Variants in B3GALT1 observed in about 807,000 individuals in gnomAD.
B3GALT1 encodes UDP-Gal:betaGlcNAc beta 1,3-galactosyltransferase, polypeptide 1.
Under a neutral mutation model 23.2 loss-of-function variants are expected in B3GALT1, and 10 were observed. The ratio of observed to expected loss-of-function variants is 0.43; its 90% confidence interval spans 0.27 to 0.73. The LOEUF is 0.73. Ranked by LOEUF, B3GALT1 falls within the 30% of genes least tolerant of loss-of-function variation. The pLI is 0.21. For synonymous variants in B3GALT1, 156 were observed against 141.5 expected, an observed-to-expected ratio of 1.10 and a Z score of -0.73; for missense variants, 299 against 405.4, an observed-to-expected ratio of 0.74 and a Z score of 2.25.
intron 3 of B3GALT1, among the ~76,000 whole-genome samples, chr2:167,731,950 A>T (rs1377198268): frequency 6.6e-6 from 1 of 152,002 alleles, no homozygotes; most frequent in Non-Finnish European, 1.5e-5. Context: ...ACAGACTTTC[A>T]CTTTGCTTTT....
intron 1 of B3GALT1, among the ~76,000 whole-genome samples, chr2:167,378,862 C>G (rs866003450): frequency 6.6e-6 from 1 of 152,122 alleles, no homozygotes; most frequent in Non-Finnish European, 1.5e-5. Context: ...AGAGCTAGTG[C>G]GATCCCTTGG....
At chr2:167,318,935 C>T (rs1437947620) in intron 1 of B3GALT1, among the ~76,000 whole-genome samples, 3 of 152,236 alleles carry the variant, frequency 2.0e-5, no homozygotes, top group African/African-American at 7.2e-5. Context: ...CTGCAGGGGC[C>T]CATTCCCTGA....
chr2:167,294,645 C>CGAGA (rs1327645091), intron 1 of B3GALT1, among the ~76,000 whole-genome samples: 1 of 152,204 alleles, frequency 6.6e-6, no homozygotes, highest in East Asian at 1.9e-4. Context: ...AGGAGCTCTC[C>CGAGA]CCACTGTCTC....
chr2:167,698,536 C>T (rs1176639457), intron 3 of B3GALT1, among the ~76,000 whole-genome samples: 3 of 152,088 alleles, frequency 2.0e-5, no homozygotes, highest in South Asian at 2.1e-4. Context: ...GGAACCAAGC[C>T]GGAGAGGTCA....
intron 2 of B3GALT1, among the ~76,000 whole-genome samples, chr2:167,639,151 T>C (rs1574183880): frequency 6.6e-6 from 1 of 152,040 alleles, no homozygotes; most frequent in African/African-American, 2.4e-5. Context: ...TTCTGGAACA[T>C]ACATTGTCTC....
intron 4 of B3GALT1, among the ~76,000 whole-genome samples, chr2:167,830,201 C>A (rs992478494): frequency 1.3e-5 from 2 of 152,218 alleles, no homozygotes; most frequent in South Asian, 4.1e-4. Flanking sequence ...TTCTCTGCAG[C>A]CCTCAACACT....
rs1358859296 is a variant in B3GALT1, at chr2:167,382,645, C to G, written c.-511+89311C>G. Among the ~76,000 whole-genome samples, 4 of 152,188 alleles carry G rather than the reference C, an allele frequency of 2.6e-5. No homozygotes were observed. In the East Asian group the frequency reaches 7.7e-4, roughly 29 times the overall value. ...GCAGAATAAACTGCAGTGAACTACA[C>G]ACCTTGAAATTAAACTTGGTGAATA... On this transcript the variant is annotated intron_variant, in intron 1 of 4. Transcript: ENST00000392690.
intron 2 of B3GALT1, among the ~76,000 whole-genome samples, chr2:167,584,324 G>A (rs1006194798): frequency 2.0e-5 from 3 of 152,104 alleles, no homozygotes; most frequent in Non-Finnish European, 4.4e-5. Flanking sequence ...TCCCCTTGAA[G>A]CATTTGCTAG....
chr2:167,774,501 T>G (rs1190281318), intron 3 of B3GALT1, among the ~76,000 whole-genome samples: 4 of 134,472 alleles, frequency 3.0e-5, no homozygotes, highest in African/African-American at 5.6e-5. Flanking sequence ...TTTTTTGTTT[T>G]TTTTTTTTTT....
Position 167,528,967 on chromosome 2 carries a change from A to G in B3GALT1, c.-410+38690A>G, listed in dbSNP as rs933317406. Among the ~76,000 whole-genome samples the G allele has an allele frequency of 2.0e-5, 3 of 151,828 alleles. No individual in the cohort carries two copies. In the South Asian group the frequency reaches 6.2e-4, roughly 32 times the overall value. On this transcript the variant is annotated intron_variant, in intron 2 of 4. Coordinates refer to ENST00000392690, the MANE Select transcript of B3GALT1 (RefSeq NM_020981.4). ...TAGAGCTCTGTCTGTGCTTCCTGTTATCTCCCTTTGTGTATTGATCCCGTT... is the reference window on the plus strand; with the variant it reads ...TAGAGCTCTGTCTGTGCTTCCTGTTGTCTCCCTTTGTGTATTGATCCCGTT...
intron 1 of B3GALT1, among the ~76,000 whole-genome samples, chr2:167,374,959 T>C (rs1379457954): frequency 6.6e-6 from 1 of 152,162 alleles, no homozygotes; most frequent in Non-Finnish European, 1.5e-5. Flanking sequence ...AGAATTCTTA[T>C]AGTTTGAGGT....
At chr2:167,789,439 A>T (rs902189917) in intron 3 of B3GALT1, among the ~76,000 whole-genome samples, 1 of 152,180 alleles carries the variant, frequency 6.6e-6, no homozygotes, top group African/African-American at 2.4e-5. Context: ...TATCTGCTTT[A>T]TAGGATTGTC....
rs553106619 is a variant in B3GALT1, at chr2:167,528,167, A to AG, written c.-410+37890_-410+37891insG. Among the ~76,000 whole-genome samples, 453 of 152,278 alleles carry AG rather than the reference A, an allele frequency of 3.0e-3. 4 individuals are homozygous for AG. The highest frequency in any genetic ancestry group is 0.01 in the African/African-American group (433 of 41,570). On this transcript the variant is annotated intron_variant, in intron 2 of 4. Coordinates refer to ENST00000392690, the MANE Select transcript of B3GALT1 (RefSeq NM_020981.4). ...ACTGTGGCCCAATGAGACAGACATG[A>AG]TCTGGCTTCTGCCTGTTTCTCTAAC...
intron 4 of B3GALT1, among the ~76,000 whole-genome samples, chr2:167,832,197 T>C (rs1392313748): frequency 6.6e-6 from 1 of 152,216 alleles, no homozygotes; most frequent in Non-Finnish European, 1.5e-5. Flanking sequence ...GCTACATAAA[T>C]GACAATTTCA....
chr2:167,662,690 C>A (rs1558940701), intron 3 of B3GALT1, among the ~76,000 whole-genome samples: 1 of 151,878 alleles, frequency 6.6e-6, no homozygotes, highest in Non-Finnish European at 1.5e-5. Flanking sequence ...CCCCATATGA[C>A]ATAGAGGAAA....
At chr2:167,368,063 C>CA (rs1697618644) in intron 1 of B3GALT1, among the ~76,000 whole-genome samples, 1 of 152,104 alleles carries the variant, frequency 6.6e-6, no homozygotes, top group African/African-American at 2.4e-5. Flanking sequence ...GCAAGAGGAC[C>CA]AAATAGCTAT....
chr2:167,627,247 G>A lies in B3GALT1; in HGVS notation c.-409-19662G>A, dbSNP rs142584376. ...TTAACAGACCTATACAGCTGTGTAG[G>A]CATCACTACAATCAAGATGTAGAAT... is the stretch of plus-strand genomic sequence containing the variant. On this transcript the variant is annotated intron_variant, in intron 2 of 4. Transcript: ENST00000392690. 1.5e-4 allele frequency among the ~76,000 whole-genome samples: 22 copies of A among 151,666 alleles called. No individual in the cohort carries two copies. In the East Asian group the frequency reaches 3.1e-3, roughly 21 times the overall value.
intron 4 of B3GALT1, among the ~76,000 whole-genome samples, chr2:167,824,536 C>T (rs960815017): frequency 6.6e-6 from 1 of 152,114 alleles, no homozygotes; most frequent in South Asian, 2.1e-4. Flanking sequence ...GAGGTGAAAC[C>T]GGGACTTGAC....
At position 167,455,085 on chromosome 2, in the gene B3GALT1, A is replaced by C. The variant is rs558086558; in HGVS notation, c.-510-35092A>C. 5.9e-5 allele frequency among the ~76,000 whole-genome samples: 9 copies of C among 152,346 alleles called. No homozygotes were observed. In the South Asian group the frequency reaches 1.9e-3, roughly 32 times the overall value. ...CAAGAATTCCATGTACGTAAGTTCAACATTTCCAAATAGAAACTTATCCAC... is the reference window on the plus strand; with the variant it reads ...CAAGAATTCCATGTACGTAAGTTCACCATTTCCAAATAGAAACTTATCCAC... On this transcript the variant is annotated intron_variant, in intron 1 of 4. Coordinates refer to ENST00000392690, the MANE Select transcript of B3GALT1 (RefSeq NM_020981.4).
Sources: allele counts gnomAD v4.1 joint callset (sites outside exome capture counted in the v4.1 genomes callset), GRCh38; gene constraint gnomAD v4.1.1; transcripts MANE v1.5; gene names NCBI Gene and HGNC (gene_info 2026-07-23, HGNC 2026-07-21).